Variants in CCNJL observed in about 807,000 individuals in gnomAD.
CCNJL encodes cyclin-J-like protein.
CCNJL carries 33 observed loss-of-function variants against 33.4 expected under a neutral mutation model. The ratio of observed to expected loss-of-function variants is 0.99; its 90% CI spans 0.75 to 1.32. CCNJL has a LOEUF of 1.32. Among genes scored for constraint, CCNJL ranks in the 40% most tolerant of loss-of-function variants. CCNJL has a pLI of 0.00. For synonymous variants in CCNJL, 227 were observed against 220.9 expected (o/e 1.03, Z -0.24); for missense variants, 512 against 499.7 (o/e 1.02, Z -0.23).
At chr5:160,305,716 C>T (rs192954377) in intron 2 of CCNJL, among the ~76,000 whole-genome samples, 11 of 152,294 alleles carry the variant, frequency 7.2e-5, no homozygotes, top group East Asian at 1.9e-4. Flanking sequence ...ATACAATCCG[C>T]GGTTTCATCT....
intron 1 of CCNJL, among the ~76,000 whole-genome samples, chr5:160,332,652 T>G (rs115859676): frequency 6.6e-6 from 1 of 152,192 alleles, no homozygotes; most frequent in Admixed American, 6.5e-5. Context: ...CTTGCCGTTC[T>G]TCCCAGCCCC....
At chr5:160,326,736 T>C (rs1763541856) in intron 1 of CCNJL, 2 of 913,156 alleles carry the variant, frequency 2.2e-6, no homozygotes, top group South Asian at 1.3e-5. Flanking sequence ...AAGGTTATGG[T>C]GCAGCCCATC....
At chr5:160,287,047 G>A (rs1762429971) in intron 2 of CCNJL, among the ~76,000 whole-genome samples, 1 of 152,148 alleles carries the variant, frequency 6.6e-6, no homozygotes, top group Non-Finnish European at 1.5e-5. Flanking sequence ...CACATACCGG[G>A]GATTAGCTTG....
chr5:160,253,838 G>C (rs1204174315), intron 5 of CCNJL, 40 bp from the exon 6 acceptor site: 1 of 1,430,420 alleles, frequency 7.0e-7, no homozygotes, highest in Non-Finnish European at 9.3e-7. Flanking sequence ...GAGGCCAAAA[G>C]CCACCAGATG....
At chr5:160,281,342 C>A (rs1337979522) in intron 2 of CCNJL, 1 of 157,766 alleles carries the variant, frequency 6.3e-6, no homozygotes, top group Non-Finnish European at 1.4e-5. Context: ...CTCCCAAATA[C>A]CCTTCACCTC....
intron 2 of CCNJL, among the ~76,000 whole-genome samples, chr5:160,288,461 T>C (rs541183660): frequency 1.3e-5 from 2 of 152,200 alleles, no homozygotes; most frequent in African/African-American, 2.4e-5. Flanking sequence ...CCAGTAAGTA[T>C]CCCACTTCAT....
chr5:160,330,644 C>A (rs780796451), intron 1 of CCNJL, among the ~76,000 whole-genome samples: 1 of 150,776 alleles, frequency 6.6e-6, no homozygotes, highest in Non-Finnish European at 1.5e-5. Context: ...ATCACTCTCT[C>A]TAACACTGCT....
chr5:160,298,102 G>A lies in CCNJL; in HGVS notation c.66+13756C>T, dbSNP rs1204427287. 2.6e-5 allele frequency among the ~76,000 whole-genome samples: 4 copies of A among 152,192 alleles called. No individual in the cohort carries two copies. The East Asian group carries it at 7.7e-4, about 29-fold the overall frequency. On this transcript the variant is annotated intron_variant, in intron 2 of 5. Transcript: ENST00000257536. Reference sequence around the variant, plus strand: ...AAAATATTAAGGCTTTAACTACCTTGCTTAAAAGGGGGACTCTGGTCAAAC... The same window carrying A: ...AAAATATTAAGGCTTTAACTACCTTACTTAAAAGGGGGACTCTGGTCAAAC...
Position 160,253,405 on chromosome 5 carries a change from C to T in CCNJL, c.1137G>A (p.Met379Ile), listed in dbSNP as rs770276155. Residue 379 changes from methionine to isoleucine, a missense_variant, in exon 6 of 6, where the codon ATG becomes ATA. Met to Ile is a conservative substitution (Grantham distance 10). Coordinates refer to ENST00000257536, the MANE Select transcript of CCNJL (RefSeq NM_001308173.3). ...ATCTGTCAAAGCAGCCGGTGGGGAA[C>T]ATGTGGCTCCCACTGAAGTAGCTGC... ...YGSSYFSGSHMFPTGCFDR is the reference protein window; with the variant it reads ...YGSSYFSGSHIFPTGCFDR 5.0e-6 allele frequency: 8 copies of T among 1,593,808 alleles called. No individual in the cohort carries two copies. Among genetic ancestry groups the T allele is most frequent in the South Asian group, 1.1e-5 (1 of 87,880 alleles).
chr5:160,286,831 C>T (rs922897175), intron 2 of CCNJL, among the ~76,000 whole-genome samples: 1 of 151,796 alleles, frequency 6.6e-6, no homozygotes, highest in Non-Finnish European at 1.5e-5. Flanking sequence ...CAAATACTGA[C>T]TTAAATGTCA....
chr5:160,332,244 T>C (rs1763616058), intron 1 of CCNJL, among the ~76,000 whole-genome samples: 1 of 152,150 alleles, frequency 6.6e-6, no homozygotes, highest in African/African-American at 2.4e-5. Flanking sequence ...GCCTGCTTTC[T>C]TTTATTGAGG....
intron 2 of CCNJL, among the ~76,000 whole-genome samples, chr5:160,283,974 G>A (rs768512662): frequency 2.0e-5 from 3 of 152,100 alleles, no homozygotes; most frequent in Non-Finnish European, 4.4e-5. Context: ...CGGCTGAATA[G>A]TACTCCACTG....
At chr5:160,325,131 T>A (rs1561814018) in intron 1 of CCNJL, among the ~76,000 whole-genome samples, 1 of 152,168 alleles carries the variant, frequency 6.6e-6, no homozygotes, top group African/African-American at 2.4e-5. Flanking sequence ...AGCTCTGGCA[T>A]CCTATGATTT....
At chr5:160,297,779 C>CA (rs936318139) in intron 2 of CCNJL, among the ~76,000 whole-genome samples, 1 of 151,826 alleles carries the variant, frequency 6.6e-6, no homozygotes, top group African/African-American at 2.4e-5. Context: ...AATGACAGGA[C>CA]AAATGTGTTA....
Position 160,252,699 on chromosome 5 carries a change from C to T in CCNJL, c.*679G>A, listed in dbSNP as rs1371095758. 2 of 152,654 alleles carry T rather than the reference C, an allele frequency of 1.3e-5. No individual in the cohort carries two copies. The highest frequency in any genetic ancestry group is 3.8e-4 in the East Asian group (2 of 5,202). 9.5% of individuals were successfully genotyped at this position (152,654 alleles called of 1,614,324 possible). On this transcript the variant is annotated 3_prime_UTR_variant, in exon 6 of 6. Transcript: ENST00000257536. ...TTGTTTTTTTCTCCAAAGGAATTTT[C>T]AAGTATCACCAAATCCCTGATACAG...
At chr5:160,271,718 A>G (rs1308435900) in intron 3 of CCNJL, among the ~76,000 whole-genome samples, 1 of 152,252 alleles carries the variant, frequency 6.6e-6, no homozygotes, top group African/African-American at 2.4e-5. Flanking sequence ...GAGAAGCACC[A>G]TTGATGTCAT....
In CCNJL at chr5:160,253,573, C is replaced by T. The variant is rs760394370; in HGVS notation, c.969G>A (p.Ser323=). ...TGTGGAGGGATGAGCCTGTACTCCC[C>T]GAGAGCAGGCTCCCTGAACGGTGGG... ...LQAHRSGSLL[S]GSTGSSLHTP... The change falls in exon 6 of 6, where the codon TCG becomes TCA. Residue 323 remains serine (S), a synonymous_variant. Transcript: ENST00000257536. 19 of 1,613,986 alleles carry T rather than the reference C, an allele frequency of 1.2e-5. No individual in the cohort carries two copies. The highest frequency in any genetic ancestry group is 1.6e-4 in the Middle Eastern group (1 of 6,084).
intron 2 of CCNJL, among the ~76,000 whole-genome samples, chr5:160,288,517 T>C (rs1163921605): frequency 1.3e-5 from 2 of 152,220 alleles, no homozygotes; most frequent in Non-Finnish European, 2.9e-5. Flanking sequence ...TTCCATTTTT[T>C]TCTTTTCCTT....
intron 1 of CCNJL, among the ~76,000 whole-genome samples, chr5:160,320,805 C>CT (rs1270528459): frequency 9.4e-5 from 7 of 74,636 alleles, no homozygotes; most frequent in African/African-American, 3.4e-4. Flanking sequence ...TTCTTTCTTT[C>CT]TTTCTTTCTT....
Sources: allele counts gnomAD v4.1 joint callset (sites outside exome capture counted in the v4.1 genomes callset), GRCh38; gene constraint gnomAD v4.1.1; transcripts MANE v1.5; gene names NCBI Gene and HGNC (gene_info 2026-07-23, HGNC 2026-07-21).